ADA2: variants seen among roughly 807,000 people sequenced by gnomAD.
ADA2 encodes adenosine deaminase CECR1.
In ADA2, 29 loss-of-function variants were observed where a neutral mutation model predicts 44.2. The ratio of observed to expected loss-of-function variants is 0.66; its 90% confidence interval spans 0.49 to 0.89. ADA2 has a LOEUF of 0.89. ADA2 is among the 40% of genes least tolerant of loss of function. The pLI, the probability that ADA2 is intolerant of heterozygous loss-of-function variation, is 0.00. For missense variants in ADA2, 637 were observed against 644.8 expected (o/e 0.99, Z 0.13); for synonymous variants, 215 against 234.9 (o/e 0.92, Z 0.77).
chr22:17,207,336 T>C (rs753573580), intron 2 of ADA2, 46 bp from the exon 3 acceptor site: 16 of 1,393,130 alleles, frequency 1.1e-5, no homozygotes, highest in Non-Finnish European at 1.6e-5. Context: ...TGAAGTCCCA[T>C]CCCAGGACTC....
At chr22:17,207,414 G>A (rs2062367130) in intron 2 of ADA2, 124 bp from the exon 3 acceptor site, 2 of 669,318 alleles carry the variant, frequency 3.0e-6, no homozygotes, top group Non-Finnish European at 5.1e-6. Context: ...GGACAAAGGG[G>A]TGAAGTCCCA....
At chr22:17,193,233 C>A in intron 4 of ADA2, 1 of 1,055,984 alleles carries the variant, frequency 9.5e-7, no homozygotes. Flanking sequence ...ACCACGAAGC[C>A]ATCGTGGAAA....
At chr22:17,192,246 T>C (rs1488612076) in intron 4 of ADA2, among the ~76,000 whole-genome samples, 1 of 152,084 alleles carries the variant, frequency 6.6e-6, no homozygotes, top group Non-Finnish European at 1.5e-5. Flanking sequence ...GTCTCCTTCA[T>C]TGCTGGGTCA....
chr22:17,188,556 C>T (rs1201580985), intron 6 of ADA2, 109 bp from the exon 7 acceptor site: 13 of 679,948 alleles, frequency 1.9e-5, no homozygotes, highest in Admixed American at 5.3e-5. Context: ...CCACCACTGC[C>T]GGGACCTTTG....
chr22:17,210,192 A>AT (rs35411316), intron 1 of ADA2, among the ~76,000 whole-genome samples: 336 of 134,750 alleles, frequency 2.5e-3, no homozygotes, highest in African/African-American at 3.8e-3. Context: ...ACCACCTGGC[A>AT]TTTTTTTTTT....
intron 4 of ADA2, chr22:17,199,607 C>A: frequency 6.2e-7 from 1 of 1,614,108 alleles, no homozygotes; most frequent in Non-Finnish European, 8.5e-7. Flanking sequence ...AAAATTGAAG[C>A]CAGATGCTCT....
intron 6 of ADA2, 94 bp from the exon 7 acceptor site, chr22:17,188,541 C>T (rs913957832): frequency 1.8e-5 from 14 of 765,880 alleles, no homozygotes; most frequent in African/African-American, 5.3e-5. Flanking sequence ...CTTCCTTGTA[C>T]CCTGCCACCA....
chr22:17,197,894 C>T (rs1279884334), intron 4 of ADA2, among the ~76,000 whole-genome samples: 7 of 152,044 alleles, frequency 4.6e-5, no homozygotes, highest in African/African-American at 1.2e-4. Context: ...GAAAATTAGC[C>T]GGGTGTGGTG....
At chr22:17,217,609 C>T (rs1227997013) in intron 1 of ADA2, among the ~76,000 whole-genome samples, 1 of 152,064 alleles carries the variant, frequency 6.6e-6, no homozygotes. Flanking sequence ...CACTGGTGCC[C>T]AGGAGTTCGA....
intron 1 of ADA2, among the ~76,000 whole-genome samples, chr22:17,211,963 T>A (rs2062423808): frequency 6.6e-6 from 1 of 152,118 alleles, no homozygotes; most frequent in African/African-American, 2.4e-5. Context: ...AATTAATTAA[T>A]TAAATAGCAA....
intron 7 of ADA2, among the ~76,000 whole-genome samples, chr22:17,185,451 A>T (rs184429271): frequency 1.3e-5 from 2 of 151,518 alleles, no homozygotes; most frequent in Non-Finnish European, 2.9e-5. Context: ...TAAAATAAAA[A>T]AATAAAAATA....
intron 4 of ADA2, among the ~76,000 whole-genome samples, chr22:17,200,485 CAG>C (rs975037032): frequency 2.0e-4 from 30 of 152,106 alleles, no homozygotes; most frequent in Non-Finnish European, 3.2e-4. Context: ...ACTCTGCACT[CAG>C]AGAGTTAAAA....
chr22:17,200,282 A>G (rs1169896850), intron 4 of ADA2, among the ~76,000 whole-genome samples: 9 of 152,260 alleles, frequency 5.9e-5, no homozygotes, highest in African/African-American at 1.4e-4. Flanking sequence ...CAGCTCATCA[A>G]TTTTTGCCAG....
intron 5 of ADA2, among the ~76,000 whole-genome samples, chr22:17,191,279 G>A (rs2062111170): frequency 1.3e-5 from 2 of 152,206 alleles, no homozygotes; most frequent in South Asian, 2.1e-4. Flanking sequence ...GGGTGTCTCC[G>A]TGATCAAGGA....
chr22:17,200,010 T>C (rs1352757227), intron 4 of ADA2, among the ~76,000 whole-genome samples: 1 of 151,908 alleles, frequency 6.6e-6, no homozygotes. Context: ...GCCTGGCCAA[T>C]ATGGTGAAAT....
At chr22:17,188,470 G>C in intron 6 of ADA2, 23 bp from the exon 7 acceptor site, 1 of 1,556,408 alleles carries the variant, frequency 6.4e-7, no homozygotes, top group Non-Finnish European at 8.9e-7. Flanking sequence ...GAGGGACAGG[G>C]AGGTGTCTGC....
chr22:17,203,787 G>A lies in ADA2; in HGVS notation c.543-14C>T, dbSNP rs779433872. 4 of 1,594,738 alleles carry A rather than the reference G, an allele frequency of 2.5e-6. No individual in the cohort carries two copies. Among genetic ancestry groups the A allele is most frequent in the Non-Finnish European group, 3.4e-6 (4 of 1,163,630 alleles). On this transcript the variant is annotated splice_polypyrimidine_tract_variant and intron_variant, in intron 3 of 9. Coordinates refer to ENST00000399837, the MANE Select transcript of ADA2 (RefSeq NM_001282225.2). ...TTCCTCAGCAAGCTGTCCAAGACAC[G>A]AAGTGGGGAGTGGCAGAGGCATGAT...
chr22:17,184,047 T>A (rs1474714598), intron 7 of ADA2, among the ~76,000 whole-genome samples: 1 of 135,652 alleles, frequency 7.4e-6, no homozygotes, highest in Non-Finnish European at 1.5e-5. Context: ...CAAGCTCCAC[T>A]TCCCGGGGTT....
intron 8 of ADA2, 68 bp from the exon 9 acceptor site, chr22:17,182,090 G>A: frequency 7.8e-7 from 1 of 1,283,368 alleles, no homozygotes; most frequent in Non-Finnish European, 1.1e-6. Context: ...CAAGTGAGGT[G>A]AGACCTTGAG....
Sources: gnomAD v4.1 joint callset for allele counts (sites outside exome capture counted in the v4.1 genomes callset) on GRCh38, gnomAD v4.1.1 for gene constraint, MANE v1.5 for transcripts, NCBI Gene and HGNC (gene_info 2026-07-23, HGNC 2026-07-21) for gene names.